AGBL2: variants seen among roughly 807,000 people sequenced by gnomAD.
AGBL2 encodes the protein AGBL carboxypeptidase 2.
Under a neutral mutation model 103.0 loss-of-function variants are expected in AGBL2, and 87 were observed. The observed-to-expected ratio is 0.84, with a 90% CI of 0.71 to 1.01. The LOEUF is 1.01. Ranked by LOEUF, AGBL2 falls within the 50% of genes least tolerant of loss-of-function variation. AGBL2 has a pLI of 0.00. For synonymous variants in AGBL2, 335 were observed against 356.7 expected (o/e 0.94, Z 0.69); for missense variants, 904 against 1,023.5 (o/e 0.88, Z 1.59).
intron 6 of AGBL2, chr11:47,705,032 G>A (rs1302033727): frequency 4.7e-6 from 1 of 211,568 alleles, no homozygotes; most frequent in Non-Finnish European, 9.2e-6. Flanking sequence ...CAATGAATAA[G>A]AAGTTACTTA....
At chr11:47,667,540 A>G (rs1482313327) in intron 16 of AGBL2, 31 bp downstream of exon 16, 1 of 1,610,670 alleles carries the variant, frequency 6.2e-7, no homozygotes, top group East Asian at 2.2e-5. Context: ...CTGAAACTAG[A>G]CAGTAGAAAT....
At chr11:47,712,190 T>C (rs557954776) in intron 3 of AGBL2, among the ~76,000 whole-genome samples, 9 of 152,318 alleles carry the variant, frequency 5.9e-5, no homozygotes, top group South Asian at 2.1e-4. Context: ...GGGTGGAAGA[T>C]AGAAGTCTGT....
rs1171429883 is a variant in AGBL2 at position 47,704,448 on chromosome 11, A to C, written c.586+95T>G. ...CAGTGAGCTGAGATTGCGCCATTGCACTCCAGCCTGGGAAATAGAGTGAGA... is the reference window on the plus strand; with the variant it reads ...CAGTGAGCTGAGATTGCGCCATTGCCCTCCAGCCTGGGAAATAGAGTGAGA... On this transcript the variant is annotated intron_variant, in intron 7 of 18. Transcript: ENST00000525123. 5 of 1,108,282 alleles carry C rather than the reference A, an allele frequency of 4.5e-6. No individual in the cohort carries two copies. In the Admixed American group the frequency reaches 1.2e-4, roughly 27 times the overall value. The allele number at this position is 1,108,282 out of a possible 1,614,324, so 68.7% of individuals were successfully genotyped here. A position where few individuals can be genotyped will look rare whatever the true frequency, so the allele number is the denominator to read the frequency against.
In AGBL2 at chr11:47,678,338, A is replaced by ATTTATTTTTTTTTTTTT. The variant is rs2097385183; in HGVS notation, c.2017-938_2017-937insAAAAAAAAAAAAATAAA. On this transcript the variant is annotated intron_variant, in intron 13 of 18. Transcript: ENST00000525123. ...TTATTTTATTTTATTTTATTTTATT[A>ATTTATTTTTTTTTTTTT]TTTTATTTTTTTTGAGACGGAGTCT... Among the ~76,000 whole-genome samples, 2 of 95,246 alleles carry ATTTATTTTTTTTTTTTT rather than the reference A, an allele frequency of 2.1e-5. 1 individual carries two copies. The highest frequency in any genetic ancestry group is 4.3e-5 in the Non-Finnish European group (2 of 45,996). The allele number at this position is 95,246 out of a possible 152,430, so 62.5% of individuals were successfully genotyped here.
At chr11:47,669,099 A>C (rs777106870) in intron 14 of AGBL2, among the ~76,000 whole-genome samples, 192 bp from the exon 15 acceptor site, 72 of 152,120 alleles carry the variant, frequency 4.7e-4, no homozygotes, top group Non-Finnish European at 9.6e-4. Flanking sequence ...ACAGGGTCTC[A>C]CTCTGTCACC....
intron 14 of AGBL2, among the ~76,000 whole-genome samples, chr11:47,674,364 C>G (rs551735197): frequency 1.3e-5 from 2 of 152,090 alleles, no homozygotes; most frequent in South Asian, 4.1e-4. Context: ...GAGTTCGAGA[C>G]CAGCCTATCC....
At chr11:47,689,672 A>G (rs1171497674) in intron 10 of AGBL2, among the ~76,000 whole-genome samples, 1 of 152,150 alleles carries the variant, frequency 6.6e-6, no homozygotes, top group Non-Finnish European at 1.5e-5. Context: ...TGTTAATGTG[A>G]AGATTAAATG....
chr11:47,680,194 G>T, intron 12 of AGBL2, 121 bp from the exon 13 acceptor site: 3 of 552,232 alleles, frequency 5.4e-6, no homozygotes, highest in African/African-American at 2.0e-5. Context: ...GTTTACGCCT[G>T]TAATCCCAGC....
chr11:47,659,933 T>TA lies in AGBL2; in HGVS notation c.*239dup, dbSNP rs371923560. The TA allele has an allele frequency of 2.6e-3, 1,011 of 382,424 alleles. 11 individuals are homozygous for TA. The highest frequency in any genetic ancestry group is 0.018 in the African/African-American group (868 of 48,482). 23.7% of individuals were successfully genotyped at this position (382,424 alleles called of 1,614,324 possible). The stretch of plus-strand genomic sequence containing the variant: ...CATGAGAACACACTTCAGTTTCTGA[T>TA]AAAGCATTTTTACACATCATAATAA... On this transcript the variant is annotated 3_prime_UTR_variant, in exon 19 of 19. Coordinates refer to ENST00000525123, the MANE Select transcript of AGBL2 (RefSeq NM_024783.4).
intron 8 of AGBL2, among the ~76,000 whole-genome samples, chr11:47,694,376 A>T (rs973548453): frequency 3.3e-5 from 5 of 152,048 alleles, no homozygotes; most frequent in African/African-American, 1.2e-4. Flanking sequence ...CAGAGATGCA[A>T]GCCTAGGATC....
chr11:47,663,086 G>A lies in AGBL2; in HGVS notation c.2475C>T (p.Asp825=), dbSNP rs2097332248. The change falls in exon 18 of 19, where the codon GAC becomes GAT. Residue 825 remains aspartate, a synonymous_variant. Transcript: ENST00000525123. ...TGGCCATTGATGGGTCCAGGGGGGT[G>A]TCTTTGTCTCTTCTATTTAAATTTG... The part of the protein sequence containing the change: ...NETNLNRRDK[D]TPLDPSMATL... 1 of 1,593,370 alleles carries A rather than the reference G, an allele frequency of 6.3e-7. No homozygotes were observed. Among genetic ancestry groups the A allele is most frequent in the Non-Finnish European group, 8.5e-7 (1 of 1,175,580 alleles).
Position 47,690,485 on chromosome 11 carries a change from G to A in AGBL2, c.1222C>T (p.Leu408=), listed in dbSNP as rs1021536798. ...YTYTDLQCYL[L]SVANNPIQSQ... is the part of the protein sequence containing the mutation. ...TGGATAGGGTTGTTTGCCACTGACA[G>A]GAGGTAGCATTGCAAATCAGTGTAT... The change falls in exon 10 of 19, where the codon CTG becomes TTG. Residue 408 remains leucine, a synonymous_variant. Transcript: ENST00000525123. 16 of 1,614,150 alleles carry A rather than the reference G, an allele frequency of 9.9e-6. No individual in the cohort carries two copies. Among genetic ancestry groups the A allele is most frequent in the Non-Finnish European group, 1.3e-5 (15 of 1,180,024 alleles).
intron 14 of AGBL2, among the ~76,000 whole-genome samples, chr11:47,673,136 C>T (rs190494440): frequency 5.2e-4 from 79 of 152,242 alleles, no homozygotes; most frequent in Admixed American, 9.8e-4. Flanking sequence ...ACAGAGCAAA[C>T]GAAAAGATCT....
intron 15 of AGBL2, among the ~76,000 whole-genome samples, chr11:47,668,335 A>G (rs1208590171): frequency 6.6e-6 from 1 of 151,430 alleles, no homozygotes; most frequent in East Asian, 1.9e-4. Flanking sequence ...CATCTCTACT[A>G]AAAATACAAA....
intron 13 of AGBL2, 148 bp from the exon 14 acceptor site, chr11:47,677,549 G>A (rs2097380432): frequency 2.9e-6 from 1 of 340,746 alleles, no homozygotes; most frequent in African/African-American, 2.2e-5. Context: ...TGTCTCCTGG[G>A]TTCAAGCGAT....
chr11:47,662,002 G>A (rs939334949), intron 18 of AGBL2, among the ~76,000 whole-genome samples: 7 of 151,716 alleles, frequency 4.6e-5, no homozygotes, highest in African/African-American at 9.7e-5. Flanking sequence ...GCCCACCTCG[G>A]CCTCCCAAAG....
At chr11:47,678,343 A>ATTATTATTTTTTTTTTTTTTTTTT (rs2097385523) in intron 13 of AGBL2, among the ~76,000 whole-genome samples, 10 of 116,866 alleles carry the variant, frequency 8.6e-5, no homozygotes, top group South Asian at 7.2e-4. Flanking sequence ...TTATTATTTT[A>ATTATTATTTTTTTTTTTTTTTTTT]TTTTTTTTGA....
chr11:47,704,838 C>T (rs2097511969), intron 6 of AGBL2, 110 bp from the exon 7 acceptor site: 2 of 799,934 alleles, frequency 2.5e-6, no homozygotes, highest in Non-Finnish European at 1.9e-6. Context: ...AATATTAGCA[C>T]AGATATGTGA....
At chr11:47,714,802 G>GC (rs1043526856) in intron 1 of AGBL2, 52 bp from the exon 2 acceptor site, 11 of 755,906 alleles carry the variant, frequency 1.5e-5, no homozygotes, top group Non-Finnish European at 2.5e-5. Context: ...CTCCCCGGGC[G>GC]CCCCCCAGCT....
Sources: gnomAD v4.1 joint callset for allele counts (sites outside exome capture counted in the v4.1 genomes callset) on GRCh38, gnomAD v4.1.1 for gene constraint, MANE v1.5 for transcripts, NCBI Gene and HGNC (gene_info 2026-07-23, HGNC 2026-07-21) for gene names.